RO60: variants seen among roughly 807,000 people sequenced by gnomAD.
The protein encoded by RO60 is RNA-binding protein RO60.
Under a neutral mutation model 55.3 loss-of-function variants are expected in RO60, and 20 were observed. That is an observed-to-expected ratio of 0.36 (90% confidence interval 0.25 to 0.53). RO60 has a LOEUF of 0.53. RO60 is among the 20% of genes least tolerant of loss of function. The pLI is 0.92. For missense variants in RO60, 558 were observed against 646.6 expected (o/e 0.86, Z 1.49); for synonymous variants, 213 against 213.6 (o/e 1.00, Z 0.02).
At chr1:193,061,351 T>C (rs1306932579) in intron 1 of RO60, among the ~76,000 whole-genome samples, 1 of 152,250 alleles carries the variant, frequency 6.6e-6, no homozygotes, top group Non-Finnish European at 1.5e-5. Flanking sequence ...TCTTTACATT[T>C]GTCATGCACT....
intron 2 of RO60, among the ~76,000 whole-genome samples, chr1:193,070,113 A>C (rs990312972): frequency 1.3e-5 from 2 of 151,136 alleles, no homozygotes; most frequent in Non-Finnish European, 2.9e-5. Flanking sequence ...ATAGAAAACT[A>C]CTCTGTAACC....
intron 1 of RO60, among the ~76,000 whole-genome samples, chr1:193,060,513 A>G (rs6687899): frequency 0.021 from 3,189 of 149,478 alleles, 107 homozygotes; most frequent in African/African-American, 0.075. Flanking sequence ...TGGCTTCCAG[A>G]AAAAAAAAAT....
chr1:193,082,697 G>A lies in RO60; in HGVS notation c.1453G>A (p.Glu485Lys), dbSNP rs779145007. ...TGTCCATCCTGCTATTGCTCTGAGGGAGTATCGAAAGGTAAAACAAATTCT... is the reference window on the plus strand; with the variant it reads ...TGTCCATCCTGCTATTGCTCTGAGGAAGTATCGAAAGGTAAAACAAATTCT... ...GGVHPAIALR[E>K]YRKKMDIPAK... The change falls in exon 8 of 9, where the codon GAG becomes AAG. Residue 485 changes from glutamate to lysine, a missense_variant. Glu to Lys is a moderately conservative substitution (Grantham distance 56). Coordinates refer to ENST00000400968, the MANE Select transcript of RO60 (RefSeq NM_001173524.2). 6 of 1,610,904 alleles carry A rather than the reference G, an allele frequency of 3.7e-6. No individual in the cohort carries two copies. The South Asian group carries it at 6.6e-5, about 18-fold the overall frequency.
chr1:193,076,434 T>A, intron 3 of RO60, 67 bp from the exon 4 acceptor site: 2 of 1,490,350 alleles, frequency 1.3e-6, no homozygotes, highest in Non-Finnish European at 1.8e-6. Flanking sequence ...TATTTTTTTA[T>A]ATAGGTATGT....
At position 193,085,026 on chromosome 1, in the gene RO60, G is replaced by A; in HGVS notation, c.*295G>A. 1.9e-6 allele frequency: 3 copies of A among 1,540,174 alleles called. No homozygotes were observed. The highest frequency in any genetic ancestry group is 8.7e-7 in the Non-Finnish European group (1 of 1,144,298). Reference sequence around the variant, plus strand: ...AGTTTTGCTTTGTTGAATAATACGTGTGTACCTAAAAGAGGTAAGAGCAAA... The same window carrying A: ...AGTTTTGCTTTGTTGAATAATACGTATGTACCTAAAAGAGGTAAGAGCAAA... On this transcript the variant is annotated 3_prime_UTR_variant, in exon 9 of 9. Coordinates refer to ENST00000400968, the MANE Select transcript of RO60 (RefSeq NM_001173524.2).
In RO60 at chr1:193,069,528, G is replaced by A. The variant is rs1316376769; in HGVS notation, c.474G>A (p.Glu158=). The A allele has an allele frequency of 1.4e-5, 22 of 1,614,100 alleles. No homozygotes were observed. Among genetic ancestry groups the A allele is most frequent in the Non-Finnish European group, 1.8e-5 (21 of 1,180,052 alleles). ...LRKAIADWYN[E]KGGMALALAV... is the part of the protein sequence containing the mutation. The stretch of plus-strand genomic sequence containing the variant: ...AGGCTATAGCGGACTGGTACAATGA[G>A]AAAGGTGGCATGGCCCTTGCTCTGG... Residue 158 remains glutamate (E), a synonymous_variant, in exon 2 of 9, where the codon GAG becomes GAA. Coordinates refer to ENST00000400968, the MANE Select transcript of RO60 (RefSeq NM_001173524.2).
chr1:193,068,426 G>GGAAA (rs1673261304), intron 1 of RO60, among the ~76,000 whole-genome samples: 2 of 152,210 alleles, frequency 1.3e-5, no homozygotes, highest in Admixed American at 1.3e-4. Flanking sequence ...TTGGGGCTAG[G>GGAAA]GAAAGGCCTA....
Position 193,085,156 on chromosome 1 carries a change from C to A in RO60, c.*425C>A. 7.5e-7 allele frequency: 1 copy of A among 1,325,352 alleles called. No homozygotes were observed. The highest frequency in any genetic ancestry group is 9.7e-7 in the Non-Finnish European group (1 of 1,035,056). The allele number at this position is 1,325,352 out of a possible 1,614,324, so 82.1% of individuals were successfully genotyped here. A position where few individuals can be genotyped will look rare whatever the true frequency, so the allele number is the denominator to read the frequency against. On this transcript the variant is annotated 3_prime_UTR_variant, in exon 9 of 9. Coordinates refer to ENST00000400968, the MANE Select transcript of RO60 (RefSeq NM_001173524.2). Reference sequence around the variant, plus strand: ...TAATGTCCAAATACTCTGAAATGCACTAGACCATATAACTGTGATGAAATA... The same window carrying A: ...TAATGTCCAAATACTCTGAAATGCAATAGACCATATAACTGTGATGAAATA...
intron 7 of RO60, 122 bp from the exon 8 acceptor site, chr1:193,082,440 G>T (rs1192196916): frequency 2.9e-6 from 4 of 1,371,658 alleles, no homozygotes; most frequent in African/African-American, 1.5e-5. Flanking sequence ...GTACAAAACC[G>T]AAAATATATA....
At chr1:193,067,551 A>T (rs1673201229) in intron 1 of RO60, among the ~76,000 whole-genome samples, 1 of 151,944 alleles carries the variant, frequency 6.6e-6, no homozygotes. Context: ...CATAGTATGT[A>T]TTCAGTAAAT....
chr1:193,091,075 G>T lies in RO60; in HGVS notation c.*6344G>T, dbSNP rs1337061150. On this transcript the variant is annotated 3_prime_UTR_variant, in exon 9 of 9. Transcript: ENST00000400968. ...CTATAACAAGTTATCCAACAGGTTG[G>T]ACTTTGTAACATGATATCCAAGGAC... The T allele has an allele frequency of 1.3e-5, 2 of 152,204 alleles. No homozygotes were observed. Among genetic ancestry groups the T allele is most frequent in the Non-Finnish European group, 2.9e-5 (2 of 68,104 alleles). 9.4% of individuals were successfully genotyped at this position (152,204 alleles called of 1,614,324 possible). A position where few individuals can be genotyped will look rare whatever the true frequency, so the allele number is the denominator to read the frequency against.
chr1:193,072,490 G>A (rs961698607), intron 2 of RO60, among the ~76,000 whole-genome samples: 5 of 147,828 alleles, frequency 3.4e-5, no homozygotes, highest in Non-Finnish European at 7.4e-5. Context: ...GAATTTTAAT[G>A]TAGTCAAATT....
intron 1 of RO60, chr1:193,060,324 A>G (rs907416473): frequency 1.3e-5 from 4 of 309,956 alleles, no homozygotes; most frequent in African/African-American, 8.7e-5. Context: ...AACATTTGGA[A>G]TGGTTCTAAA....
rs2275444 is a variant in RO60 at position 193,082,555 on chromosome 1, G to A, written c.1318-7G>A. The A allele has an allele frequency of 0.7, 1,133,858 of 1,612,162 alleles. 402,356 individuals carry two copies. Among genetic ancestry groups the A allele is most frequent in the Middle Eastern group, 0.77 (4,634 of 6,046 alleles). On this transcript the variant is annotated splice_polypyrimidine_tract_variant and splice_region_variant and intron_variant, in intron 7 of 8. Transcript: ENST00000400968. ...ACTTATTTATTCATGCTTTTGTTCC[G>A]AATTAGATCCCAGCAGGTGGAACTG... is the stretch of plus-strand genomic sequence containing the variant.
chr1:193,059,934 G>C lies in RO60; in HGVS notation c.-22+158G>C. 7.3e-7 allele frequency: 1 copy of C among 1,366,314 alleles called. No individual in the cohort carries two copies. The highest frequency in any genetic ancestry group is 9.8e-7 in the Non-Finnish European group (1 of 1,021,780). 84.6% of individuals were successfully genotyped at this position (1,366,314 alleles called of 1,614,324 possible). A position where few individuals can be genotyped will look rare whatever the true frequency, so the allele number is the denominator to read the frequency against. ...TCTTCCCCGTCCCGCTTCCGCGCCT[G>C]TCCACCCTGGGTAACGGAACCAGCA... is the stretch of plus-strand genomic sequence containing the variant. On this transcript the variant is annotated intron_variant, in intron 1 of 8. Coordinates refer to ENST00000400968, the MANE Select transcript of RO60 (RefSeq NM_001173524.2). The surrounding 1 kb of genome is among the most constrained non-coding windows in gnomAD (Gnocchi z 4.9).
chr1:193,069,527 A>G lies in RO60; in HGVS notation c.473A>G (p.Glu158Gly). 6.2e-7 allele frequency: 1 copy of G among 1,614,204 alleles called. No homozygotes were observed. Among genetic ancestry groups the G allele is most frequent in the East Asian group, 2.2e-5 (1 of 44,886 alleles). The change falls in exon 2 of 9, where the codon GAG becomes GGG. Residue 158 changes from glutamate (E) to glycine (G), a missense_variant. Physicochemically the swap from Glu to Gly is moderately conservative, Grantham distance 98. Transcript: ENST00000400968. ...AAGGCTATAGCGGACTGGTACAATGAGAAAGGTGGCATGGCCCTTGCTCTG... is the reference window on the plus strand; with the variant it reads ...AAGGCTATAGCGGACTGGTACAATGGGAAAGGTGGCATGGCCCTTGCTCTG... ...LRKAIADWYN[E>G]KGGMALALAV...
chr1:193,068,914 A>G, intron 1 of RO60, 120 bp from the exon 2 acceptor site: 9 of 676,226 alleles, frequency 1.3e-5, no homozygotes, highest in Non-Finnish European at 2.2e-5. Flanking sequence ...AAACTATGGA[A>G]CTTAAAAGAT....
intron 1 of RO60, among the ~76,000 whole-genome samples, chr1:193,062,397 CAATT>C (rs1672842249): frequency 1.3e-5 from 2 of 152,164 alleles, no homozygotes; most frequent in Admixed American, 6.5e-5. Context: ...TTTGTGTAAT[CAATT>C]GTATTGGTGC....
In RO60 at chr1:193,069,096, G is replaced by A; in HGVS notation, c.42G>A (p.Lys14=). The change falls in exon 2 of 9, where the codon AAG becomes AAA. Residue 14 remains lysine, a synonymous_variant. Transcript: ENST00000400968. ...ACCAAATGCAGCCACTGAATGAGAAGCAGATAGCCAATTCTCAGGATGGAT... is the reference window on the plus strand; with the variant it reads ...ACCAAATGCAGCCACTGAATGAGAAACAGATAGCCAATTCTCAGGATGGAT... The part of the protein sequence containing the change: ...SVNQMQPLNE[K]QIANSQDGYV... 1.2e-6 allele frequency: 2 copies of A among 1,613,914 alleles called. No homozygotes were observed. The highest frequency in any genetic ancestry group is 1.7e-6 in the Non-Finnish European group (2 of 1,179,856).
Sources: allele counts gnomAD v4.1 joint callset (sites outside exome capture counted in the v4.1 genomes callset), GRCh38; gene constraint gnomAD v4.1.1; non-coding constraint Gnocchi (gnomAD v3.1); transcripts MANE v1.5; gene names NCBI Gene and HGNC (gene_info 2026-07-23, HGNC 2026-07-21).